Variants in NRCAM observed in about 807,000 individuals in gnomAD.
NRCAM encodes neuronal cell adhesion molecule.
Under a neutral mutation model 156.5 loss-of-function variants are expected in NRCAM, and 83 were observed. The ratio of observed to expected loss-of-function variants is 0.53; its 90% confidence interval spans 0.44 to 0.64. NRCAM has a LOEUF of 0.64. NRCAM is among the 30% of genes least tolerant of loss of function. NRCAM has a pLI of 0.00. For missense variants in NRCAM, 1,417 were observed against 1,597.3 expected (o/e 0.89, Z 1.92); for synonymous variants, 538 against 563.9 (o/e 0.95, Z 0.65).
chr7:108,368,224 A>ACCC (rs67897117), intron 2 of NRCAM, among the ~76,000 whole-genome samples: 99 of 91,076 alleles, frequency 1.1e-3, no homozygotes, highest in Middle Eastern at 5.0e-3. Flanking sequence ...ACACTTTCAT[A>ACCC]CCCCCCCCCA....
intron 3 of NRCAM, among the ~76,000 whole-genome samples, chr7:108,260,465 G>A (rs753648450): frequency 8.5e-5 from 13 of 152,144 alleles, no homozygotes; most frequent in Non-Finnish European, 1.3e-4. Flanking sequence ...CCAATATGGA[G>A]GAGTACTGAG....
At chr7:108,177,270 T>G (rs2060897805) in intron 26 of NRCAM, among the ~76,000 whole-genome samples, 1 of 152,034 alleles carries the variant, frequency 6.6e-6, no homozygotes, top group African/African-American at 2.4e-5. Context: ...AAGTAAAAAG[T>G]AGAACACAGC....
chr7:108,310,444 C>T (rs2098787461), intron 3 of NRCAM, among the ~76,000 whole-genome samples: 2 of 152,110 alleles, frequency 1.3e-5, no homozygotes, highest in African/African-American at 2.4e-5. Context: ...TTATGTGTGA[C>T]ACTGGATAAG....
chr7:108,409,529 C>T (rs181031561), intron 1 of NRCAM, among the ~76,000 whole-genome samples: 14 of 152,266 alleles, frequency 9.2e-5, no homozygotes, highest in African/African-American at 2.6e-4. Context: ...ATTTTCACCC[C>T]GGTGCCATCT....
intron 3 of NRCAM, 66 bp downstream of exon 3, chr7:108,312,599 T>G (rs1422866323): frequency 6.6e-6 from 1 of 152,204 alleles, no homozygotes; most frequent in African/African-American, 2.4e-5. Context: ...CATAATCACA[T>G]TATTTAATAT....
At chr7:108,252,281 GCCAAAGTTGAACGCA>G (rs1440177881) in intron 3 of NRCAM, among the ~76,000 whole-genome samples, 3 of 152,184 alleles carry the variant, frequency 2.0e-5, no homozygotes, top group Admixed American at 6.5e-5. Flanking sequence ...TTTCTTGCCT[GCCAAAGTTGAACGCA>G]CCTCACTGAG....
rs1857384888 is a variant in NRCAM at position 108,456,325 on chromosome 7, C to G, written c.-414G>C. On this transcript the variant is annotated 5_prime_UTR_variant, in exon 1 of 33. Coordinates refer to ENST00000379028, the MANE Select transcript of NRCAM (RefSeq NM_001037132.4). ...CCGGTGTCCTCCGTTCTCGACGAAGCTATCCCCTCTGGCTGCTCCAGCCAG... is the reference window on the plus strand; with the variant it reads ...CCGGTGTCCTCCGTTCTCGACGAAGGTATCCCCTCTGGCTGCTCCAGCCAG... 2.6e-5 allele frequency: 4 copies of G among 152,052 alleles called. No individual in the cohort carries two copies. In the South Asian group the frequency reaches 8.3e-4, roughly 31 times the overall value. 9.4% of individuals were successfully genotyped at this position (152,052 alleles called of 1,614,324 possible). A position where few individuals can be genotyped will look rare whatever the true frequency, so the allele number is the denominator to read the frequency against.
chr7:108,255,621 C>T (rs1275189994), intron 3 of NRCAM, among the ~76,000 whole-genome samples: 8 of 151,992 alleles, frequency 5.3e-5, no homozygotes, highest in Admixed American at 1.3e-4. Flanking sequence ...CTCTGCCTGG[C>T]TGCCCATCGT....
chr7:108,343,972 TGACTAAGATCTACCATG>T (rs1431531465), intron 2 of NRCAM, among the ~76,000 whole-genome samples: 1 of 152,194 alleles, frequency 6.6e-6, no homozygotes, highest in Admixed American at 6.5e-5. Flanking sequence ...AGGCAGTCCA[TGACTAAGATCTACCATG>T]GACCCCTGGA....
chr7:108,354,829 G>A (rs1404232736), intron 2 of NRCAM, among the ~76,000 whole-genome samples: 1 of 152,050 alleles, frequency 6.6e-6, no homozygotes, highest in Non-Finnish European at 1.5e-5. Flanking sequence ...AGGAGGCAGA[G>A]GTTGCAGTGA....
At chr7:108,434,541 TACACACACACAC>T (rs141756969) in intron 1 of NRCAM, among the ~76,000 whole-genome samples, 16 of 141,150 alleles carry the variant, frequency 1.1e-4, no homozygotes, top group Non-Finnish European at 2.2e-4. Flanking sequence ...CAATGGAATG[TACACACACACAC>T]ACACACACAC....
chr7:108,238,192 A>G (rs1589521410), intron 4 of NRCAM, among the ~76,000 whole-genome samples: 1 of 152,194 alleles, frequency 6.6e-6, no homozygotes, highest in African/African-American at 2.4e-5. Flanking sequence ...GCATATGGTA[A>G]TAATACCTAA....
intron 32 of NRCAM, among the ~76,000 whole-genome samples, chr7:108,159,017 T>G (rs569882583): frequency 2.3e-4 from 35 of 152,232 alleles, no homozygotes; most frequent in African/African-American, 7.7e-4. Context: ...AGGGCAAGGG[T>G]ATGGGTATTG....
Position 108,207,575 on chromosome 7 carries a change from T to G in NRCAM, c.1160A>C (p.Asn387Thr). The G allele has an allele frequency of 6.2e-7, 1 of 1,613,980 alleles. No individual in the cohort carries two copies. Among genetic ancestry groups the G allele is most frequent in the South Asian group, 1.1e-5 (1 of 91,072 alleles). Reference sequence around the variant, plus strand: ...TAACCAGCTAATTCTGGGTTTGGGGTTGCCATTAGCTCTGCAGATCAAGGT... The same window carrying G: ...TAACCAGCTAATTCTGGGTTTGGGGGTGCCATTAGCTCTGCAGATCAAGGT... ...DGTLICRANG[N>T]PKPRISWLTN... The change falls in exon 13 of 33, where the codon AAC becomes ACC. Residue 387 changes from asparagine to threonine, a missense_variant. This residue lies in a region of NRCAM where 1,238 missense variants were observed against 1,336.4 expected (regional missense o/e 0.93). Transcript: ENST00000379028.
At chr7:108,326,968 T>C (rs1037830041) in intron 2 of NRCAM, among the ~76,000 whole-genome samples, 1 of 152,188 alleles carries the variant, frequency 6.6e-6, no homozygotes, top group Non-Finnish European at 1.5e-5. Context: ...ACTTGGTTAT[T>C]TTGGTATCTT....
intron 3 of NRCAM, among the ~76,000 whole-genome samples, chr7:108,306,857 C>T (rs920088536): frequency 1.3e-5 from 2 of 152,178 alleles, no homozygotes; most frequent in African/African-American, 4.8e-5. Flanking sequence ...ATTTACACAT[C>T]TCTTCCCATA....
chr7:108,189,714 T>C lies in NRCAM; in HGVS notation c.1966A>G (p.Thr656Ala), dbSNP rs374650839. 3.9e-6 allele frequency: 6 copies of C among 1,547,658 alleles called. No individual in the cohort carries two copies. The highest frequency in any genetic ancestry group is 1.7e-5 in the Admixed American group (1 of 59,248). ...TGAACACTTTTGTCAAGTTGATCTG[T>C]CAGTTCTAAGTCAAAGGGAGGATTT... Reference protein sequence around the residue: ...VPNPPFDLELTDQLDKSVQLS... With the variant: ...VPNPPFDLELADQLDKSVQLS... The change falls in exon 20 of 33, where the codon ACA becomes GCA. Residue 656 changes from threonine to alanine, a missense_variant. Coordinates refer to ENST00000379028, the MANE Select transcript of NRCAM (RefSeq NM_001037132.4).
At chr7:108,253,356 G>A (rs958370252) in intron 3 of NRCAM, among the ~76,000 whole-genome samples, 1 of 152,152 alleles carries the variant, frequency 6.6e-6, no homozygotes, top group African/African-American at 2.4e-5. Context: ...GTGTTCAAGA[G>A]GGAAGAGGAA....
intron 25 of NRCAM, 188 bp from the exon 26 acceptor site, chr7:108,178,300 C>G (rs955986963): frequency 1.8e-6 from 1 of 556,372 alleles, no homozygotes. Flanking sequence ...CTTTTTCTCT[C>G]TTGTCATTTA....
Sources: gnomAD v4.1 joint callset for allele counts (sites outside exome capture counted in the v4.1 genomes callset) on GRCh38, gnomAD v4.1.1 for gene constraint, gnomAD v4.1.1 regional missense constraint, MANE v1.5 for transcripts, NCBI Gene and HGNC (gene_info 2026-07-23, HGNC 2026-07-21) for gene names.